COLEC11: variants seen among roughly 807,000 people sequenced by gnomAD.
The protein encoded by COLEC11 is collectin-11.
A neutral mutation model predicts 27.3 loss-of-function variants in COLEC11; 20 were observed. The observed-to-expected ratio is 0.73, with a 90% CI of 0.51 to 1.06. COLEC11 has a LOEUF of 1.06. Ranked by LOEUF, COLEC11 falls within the 50% of genes least tolerant of loss-of-function variation. The probability of loss-of-function intolerance (pLI) is 0.00; values close to 1 mark genes in which losing one functional copy is unlikely to be tolerated. For missense variants in COLEC11, 310 were observed against 383.0 expected, an observed-to-expected ratio of 0.81 and a Z score of 1.59; for synonymous variants, 163 against 154.7, an observed-to-expected ratio of 1.05 and a Z score of -0.40.
intron 4 of COLEC11, 34 bp downstream of exon 4, chr2:3,637,638 C>T (rs767174067): frequency 1.3e-6 from 2 of 1,557,686 alleles, no homozygotes; most frequent in African/African-American, 1.4e-5. Flanking sequence ...TCATTTCCCC[C>T]CTGCCCCTAG....
intron 3 of COLEC11, among the ~76,000 whole-genome samples, chr2:3,614,784 A>C (rs544665218): frequency 6.6e-6 from 1 of 152,334 alleles, no homozygotes; most frequent in South Asian, 2.1e-4. Context: ...AAAGTAAACG[A>C]AAAAAAGTTT....
intron 1 of COLEC11, chr2:3,603,740 C>T: frequency 6.9e-7 from 1 of 1,446,506 alleles, no homozygotes. Context: ...CCCCACCTCC[C>T]CAGGCCCCTG....
chr2:3,613,326 A>G lies in COLEC11; in HGVS notation c.146A>G (p.Lys49Arg). The change falls in exon 3 of 7, where the codon AAG becomes AGG. Residue 49 changes from lysine (K) to arginine (R), a missense_variant. Lys to Arg is a conservative substitution (Grantham distance 26). Transcript: ENST00000349077. ...VPGLKGDAGE[K>R]GDKGAPGRPG... Reference sequence around the variant, plus strand: ...TCTTCCACAGGGGATGCGGGAGAGAAGGGAGACAAAGGCGCCCCCGGACGG... The same window carrying G: ...TCTTCCACAGGGGATGCGGGAGAGAGGGGAGACAAAGGCGCCCCCGGACGG... 2.5e-6 allele frequency: 4 copies of G among 1,610,622 alleles called. No homozygotes were observed. Among genetic ancestry groups the G allele is most frequent in the Non-Finnish European group, 3.4e-6 (4 of 1,178,642 alleles).
rs1170757928 is a variant in COLEC11, at chr2:3,605,300, A to G, written c.130+830A>G. Among the ~76,000 whole-genome samples the G allele has an allele frequency of 4.2e-5, 5 of 117,862 alleles. 1 individual carries two copies. Among genetic ancestry groups the G allele is most frequent in the Admixed American group, 3.9e-4 (4 of 10,278 alleles). The allele number at this position is 117,862 out of a possible 152,430, so 77.3% of individuals were successfully genotyped here. A position where few individuals can be genotyped will look rare whatever the true frequency, so the allele number is the denominator to read the frequency against. ...GCTGAGGGGAGTCACGTGGGTGCCG[A>G]GGAGGGGGCGGGGGAGTCACGTGGG... On this transcript the variant is annotated intron_variant, in intron 2 of 6. Coordinates refer to ENST00000349077, the MANE Select transcript of COLEC11 (RefSeq NM_024027.5).
Position 3,644,278 on chromosome 2 carries a change from C to T in COLEC11, c.*160C>T. The T allele has an allele frequency of 1.1e-6, 1 of 893,758 alleles. No homozygotes were observed. The highest frequency in any genetic ancestry group is 1.8e-6 in the Non-Finnish European group (1 of 560,684). 55.4% of individuals were successfully genotyped at this position (893,758 alleles called of 1,614,324 possible). ...GTCTAAACTGAGAAAATGGCCTATG[C>T]TTAAGAGGAAAATGAAAGTGTTCCT... On this transcript the variant is annotated 3_prime_UTR_variant, in exon 7 of 7. Coordinates refer to ENST00000349077, the MANE Select transcript of COLEC11 (RefSeq NM_024027.5).
intron 2 of COLEC11, chr2:3,605,082 T>G (rs1662539881): frequency 2.1e-6 from 1 of 470,908 alleles, no homozygotes; most frequent in Non-Finnish European, 4.4e-6. Context: ...CAGAGCAGCA[T>G]CTTCAAGTAA....
chr2:3,638,945 C>A (rs1665645358), intron 4 of COLEC11, among the ~76,000 whole-genome samples: 1 of 152,234 alleles, frequency 6.6e-6, no homozygotes, highest in African/African-American at 2.4e-5. Flanking sequence ...AAGAGAGACT[C>A]TTCCCACTAA....
intron 3 of COLEC11, among the ~76,000 whole-genome samples, chr2:3,627,528 G>A (rs1024767387): frequency 3.3e-5 from 5 of 151,148 alleles, no homozygotes; most frequent in Non-Finnish European, 5.9e-5. Flanking sequence ...GGTAGATCGG[G>A]GCATGATGAT....
intron 2 of COLEC11, among the ~76,000 whole-genome samples, chr2:3,609,900 A>G (rs911055982): frequency 2.0e-5 from 3 of 152,148 alleles, no homozygotes; most frequent in Non-Finnish European, 2.9e-5. Flanking sequence ...CTGCCTTTAA[A>G]TGATCCTCCT....
At chr2:3,625,625 C>CTTTTTTT (rs60222284) in intron 3 of COLEC11, among the ~76,000 whole-genome samples, 33,545 of 90,496 alleles carry the variant, frequency 0.37, 8,454 homozygotes, top group South Asian at 0.58. Context: ...TTCTTTTTTA[C>CTTTTTTT]TTTTTTTTTT....
intron 5 of COLEC11, among the ~76,000 whole-genome samples, chr2:3,641,920 A>C (rs1008190613): frequency 9.8e-5 from 15 of 152,338 alleles, no homozygotes; most frequent in Admixed American, 9.8e-4. Flanking sequence ...GGTGCTGGGC[A>C]GGCCCAGGCT....
chr2:3,618,344 C>T (rs1663934478), intron 3 of COLEC11, among the ~76,000 whole-genome samples: 1 of 152,070 alleles, frequency 6.6e-6, no homozygotes, highest in Non-Finnish European at 1.5e-5. Flanking sequence ...ACATTTAAGT[C>T]TTCTATTTTG....
chr2:3,598,202 G>A (rs1661989725), intron 1 of COLEC11, among the ~76,000 whole-genome samples: 1 of 152,278 alleles, frequency 6.6e-6, no homozygotes. Context: ...TCCCAAAGTG[G>A]TGGGATTACA....
chr2:3,643,479 A>G lies in COLEC11; in HGVS notation c.364A>G (p.Ile122Val), dbSNP rs372959253. 1 of 1,613,696 alleles carries G rather than the reference A, an allele frequency of 6.2e-7. No individual in the cohort carries two copies. Among genetic ancestry groups the G allele is most frequent in the African/African-American group, 1.3e-5 (1 of 74,932 alleles). Residue 122 changes from isoleucine to valine, a missense_variant, in exon 6 of 7, where the codon ATC (isoleucine) becomes GTC (valine). By Grantham distance (29) the Ile-to-Val change is conservative. Transcript: ENST00000349077. ...TGAGTGCAGCCAGCTGCGCAAGGCC[A>G]TCGGGGAGATGGACAACCAGGTCTC... ...PCECSQLRKA[I>V]GEMDNQVSQL...
At chr2:3,641,191 G>A (rs1225565097) in intron 5 of COLEC11, 1 of 1,294,466 alleles carries the variant, frequency 7.7e-7, no homozygotes, top group Non-Finnish European at 1.0e-6. Context: ...GGATACCAGG[G>A]AGAAAAGAGA....
At chr2:3,643,404 C>G (rs770840267) in intron 5 of COLEC11, 40 bp from the exon 6 acceptor site, 1 of 1,526,148 alleles carries the variant, frequency 6.6e-7, no homozygotes, top group Admixed American at 1.7e-5. Context: ...AGTCCGAGTC[C>G]TCATCCAGCG....
At chr2:3,639,558 T>TGG (rs917181913) in intron 4 of COLEC11, among the ~76,000 whole-genome samples, 4 of 152,248 alleles carry the variant, frequency 2.6e-5, no homozygotes, top group African/African-American at 9.6e-5. Flanking sequence ...CAGAGGCATT[T>TGG]GGGGCCTCTC....
intron 4 of COLEC11, among the ~76,000 whole-genome samples, chr2:3,638,248 C>T (rs905172387): frequency 7.2e-5 from 11 of 151,850 alleles, no homozygotes; most frequent in Admixed American, 2.6e-4. Flanking sequence ...TGCTCCTATG[C>T]GCCCCCGCCC....
chr2:3,604,290 A>G (rs772406631), intron 1 of COLEC11, 25 bp from the exon 2 acceptor site: 1 of 1,613,070 alleles, frequency 6.2e-7, no homozygotes, highest in East Asian at 2.2e-5. Context: ...AGTTCCCATC[A>G]CTGTTTATTC....
Sources: gnomAD v4.1 joint callset for allele counts (sites outside exome capture counted in the v4.1 genomes callset) on GRCh38, gnomAD v4.1.1 for gene constraint, MANE v1.5 for transcripts, NCBI Gene and HGNC (gene_info 2026-07-23, HGNC 2026-07-21) for gene names.